The following HDGFL3 variants were observed in gnomAD, a reference collection of about 807,000 sequenced individuals.
HDGFL3 encodes HDGF like 3.
Under a neutral mutation model 27.6 loss-of-function variants are expected in HDGFL3, and 6 were observed. That is an observed-to-expected ratio of 0.22 (90% CI 0.12 to 0.43). The LOEUF is 0.43. HDGFL3 is among the 20% of genes least tolerant of loss of function. HDGFL3 has a pLI of 1.00. For missense variants in HDGFL3, 207 were observed against 250.1 expected, an observed-to-expected ratio of 0.83 and a Z score of 1.16; for synonymous variants, 88 against 88.9, an observed-to-expected ratio of 0.99 and a Z score of 0.05.
rs746187890 is a variant in HDGFL3, at chr15:83,133,113, C to T, written c.*6157G>A. 6.6e-6 allele frequency: 1 copy of T among 152,228 alleles called. No homozygotes were observed. The highest frequency in any genetic ancestry group is 2.4e-5 in the African/African-American group (1 of 41,448). 9.4% of individuals were successfully genotyped at this position (152,228 alleles called of 1,614,324 possible). A position where few individuals can be genotyped will look rare whatever the true frequency, so the allele number is the denominator to read the frequency against. The stretch of plus-strand genomic sequence containing the variant: ...TATGAGGTGGGTTCCACACCTCACC[C>T]GAGGCCATACGGCTGGTTTGTGGTG... On this transcript the variant is annotated 3_prime_UTR_variant, in exon 6 of 6. Coordinates refer to ENST00000299633, the MANE Select transcript of HDGFL3 (RefSeq NM_016073.4).
chr15:83,124,436 T>C (rs1051392205), downstream of HDGFL3, among the ~76,000 whole-genome samples: 2 of 152,168 alleles, frequency 1.3e-5, no homozygotes, highest in African/African-American at 2.4e-5. Context: ...AGTGGACTCA[T>C]AGAGCTACAA....
At chr15:83,145,552 T>C (rs1365272620) in intron 5 of HDGFL3, among the ~76,000 whole-genome samples, 2 of 152,092 alleles carry the variant, frequency 1.3e-5, no homozygotes, top group Non-Finnish European at 2.9e-5. Flanking sequence ...CTCCCTACTA[T>C]TTATAAGCTA....
At chr15:83,122,931 C>T (rs905558734), downstream of HDGFL3, 45 of 1,599,718 alleles carry the variant, frequency 2.8e-5, no homozygotes, top group Admixed American at 1.9e-4. Flanking sequence ...AGGGTTCTTT[C>T]GCATCCACTG....
intron 2 of HDGFL3, 135 bp from the exon 3 acceptor site, chr15:83,158,176 G>C: frequency 1.5e-6 from 1 of 685,366 alleles, no homozygotes; most frequent in Non-Finnish European, 2.3e-6. Flanking sequence ...CTTCAAGTTA[G>C]GCACATATTA....
At chr15:83,168,182 G>A (rs1047621749) in intron 1 of HDGFL3, among the ~76,000 whole-genome samples, 2 of 152,118 alleles carry the variant, frequency 1.3e-5, no homozygotes, top group Non-Finnish European at 1.5e-5. Flanking sequence ...AGTTCACAGT[G>A]CTAAACACCA....
intron 1 of HDGFL3, among the ~76,000 whole-genome samples, chr15:83,206,483 G>C (rs2037717889): frequency 6.6e-6 from 1 of 152,302 alleles, no homozygotes; most frequent in East Asian, 1.9e-4. Flanking sequence ...TCCTCAAAGA[G>C]CTTAATAAAA....
chr15:83,160,199 T>G (rs915984536), intron 2 of HDGFL3, among the ~76,000 whole-genome samples: 2 of 152,090 alleles, frequency 1.3e-5, no homozygotes, highest in Non-Finnish European at 2.9e-5. Flanking sequence ...AGGTTTTTTT[T>G]TTTTTTGAGA....
rs929873484 is a variant in HDGFL3, at chr15:83,135,170, G to A, written c.*4100C>T. On this transcript the variant is annotated 3_prime_UTR_variant, in exon 6 of 6. Transcript: ENST00000299633. The stretch of plus-strand genomic sequence containing the variant: ...GGTCTCCAGAATATATCAGGAATTT[G>A]TAAAAATGCAGCCCATTAAAATATC... 6.6e-6 allele frequency: 1 copy of A among 152,154 alleles called. No homozygotes were observed. The highest frequency in any genetic ancestry group is 2.4e-5 in the African/African-American group (1 of 41,446). 9.4% of individuals were successfully genotyped at this position (152,154 alleles called of 1,614,324 possible).
intron 5 of HDGFL3, among the ~76,000 whole-genome samples, chr15:83,147,514 G>T (rs1480675473): frequency 6.6e-6 from 1 of 152,168 alleles, no homozygotes; most frequent in African/African-American, 2.4e-5. Flanking sequence ...CCCAGACCAT[G>T]ACTATTAAAT....
intron 5 of HDGFL3, among the ~76,000 whole-genome samples, chr15:83,149,605 C>G (rs1232307593): frequency 6.6e-6 from 1 of 152,004 alleles, no homozygotes; most frequent in African/African-American, 2.4e-5. Flanking sequence ...TTGGATCGGG[C>G]AAGGAGAGGA....
intron 1 of HDGFL3, among the ~76,000 whole-genome samples, chr15:83,173,486 T>C (rs1474704751): frequency 2.0e-5 from 3 of 152,216 alleles, no homozygotes; most frequent in Admixed American, 6.5e-5. Flanking sequence ...ACATAATCCC[T>C]TGTAAGTTGA....
At chr15:83,123,030 G>T (rs772693840), downstream of HDGFL3, 5 of 852,674 alleles carry the variant, frequency 5.9e-6, no homozygotes, top group East Asian at 1.3e-4. Flanking sequence ...ATTAGCTTAC[G>T]TATTAATTAA....
chr15:83,142,410 AAACT>A (rs2036791099), intron 5 of HDGFL3, among the ~76,000 whole-genome samples: 3 of 152,340 alleles, frequency 2.0e-5, no homozygotes, highest in Non-Finnish European at 4.4e-5. Context: ...TATCCTTAAC[AAACT>A]AACACAGGAA....
chr15:83,190,413 T>C (rs1208183898), intron 1 of HDGFL3, among the ~76,000 whole-genome samples: 4 of 152,194 alleles, frequency 2.6e-5, no homozygotes, highest in Admixed American at 1.3e-4. Context: ...TGGACCAGTA[T>C]ATACTTCTTC....
intron 1 of HDGFL3, among the ~76,000 whole-genome samples, chr15:83,189,878 G>A (rs1024383969): frequency 2.6e-5 from 4 of 151,946 alleles, no homozygotes; most frequent in Admixed American, 6.6e-5. Context: ...TATTTAATGC[G>A]GCATAATATC....
intron 1 of HDGFL3, among the ~76,000 whole-genome samples, chr15:83,174,948 T>C (rs751787253): frequency 2.6e-5 from 4 of 152,332 alleles, no homozygotes; most frequent in Non-Finnish European, 5.9e-5. Flanking sequence ...TTTTAAACAT[T>C]TGAATTAGTT....
At chr15:83,152,006 A>G (rs1366152765) in intron 4 of HDGFL3, among the ~76,000 whole-genome samples, 1 of 152,244 alleles carries the variant, frequency 6.6e-6, no homozygotes, top group African/African-American at 2.4e-5. Flanking sequence ...ATGAAAATAC[A>G]ATTAGTTTGC....
rs774722143 is a variant in HDGFL3, at chr15:83,136,521, C to T, written c.*2749G>A. On this transcript the variant is annotated 3_prime_UTR_variant, in exon 6 of 6. Transcript: ENST00000299633. ...ATTGGTGCATCTCTTCATGCTAGAA[C>T]TGCTTATGTCTACAGAGTCCCTGAA... 27 of 1,605,740 alleles carry T rather than the reference C, an allele frequency of 1.7e-5. No individual in the cohort carries two copies. The highest frequency in any genetic ancestry group is 2.2e-5 in the East Asian group (1 of 44,830).
Position 83,112,972 on chromosome 15 carries a change from C to T in HDGFL3, c.*2737G>A. Reference sequence around the variant, plus strand: ...ATACTTTCAGCCTCAGTCACATATTCCTCCTTGGTTGTGAATACTCTGAGC... The same window carrying T: ...ATACTTTCAGCCTCAGTCACATATTTCTCCTTGGTTGTGAATACTCTGAGC... On this transcript the variant is annotated 3_prime_UTR_variant, in exon 4 of 4. Coordinates refer to the HDGFL3 transcript ENST00000568294. 2.4e-6 allele frequency: 3 copies of T among 1,272,562 alleles called. No homozygotes were observed. In the South Asian group the frequency reaches 3.6e-5, roughly 15 times the overall value. The allele number at this position is 1,272,562 out of a possible 1,614,324, so 78.8% of individuals were successfully genotyped here.
Sources: allele counts gnomAD v4.1 joint callset (sites outside exome capture counted in the v4.1 genomes callset), GRCh38; gene constraint gnomAD v4.1.1; transcripts MANE v1.5; gene names NCBI Gene and HGNC (gene_info 2026-07-23, HGNC 2026-07-21).